CEP72: variants seen among roughly 807,000 people sequenced by gnomAD.
The protein encoded by CEP72 is centrosomal protein of 72 kDa.
A neutral mutation model predicts 65.7 loss-of-function variants in CEP72; 78 were observed. The observed-to-expected ratio is 1.19, with a 90% confidence interval of 0.99 to 1.43. The LOEUF is 1.43. Among genes scored for constraint, CEP72 ranks in the 40% most tolerant of loss-of-function variants. The pLI is 0.00. For synonymous variants in CEP72, 358 were observed against 351.7 expected (o/e 1.02, Z -0.20); for missense variants, 914 against 832.9 (o/e 1.10, Z -1.20).
intron 11 of CEP72, among the ~76,000 whole-genome samples, chr5:652,682 G>A (rs922096097): frequency 7.2e-5 from 11 of 152,316 alleles, no homozygotes; most frequent in Admixed American, 3.3e-4. Flanking sequence ...AAAACCATGC[G>A]TAGCTGGAAT....
chr5:652,615 A>G (rs1283647877), intron 11 of CEP72, among the ~76,000 whole-genome samples: 1 of 152,246 alleles, frequency 6.6e-6, no homozygotes, highest in Non-Finnish European at 1.5e-5. Context: ...CAGTCCCCGT[A>G]TATTTTCTAG....
chr5:653,185 C>T lies in CEP72; in HGVS notation c.*32C>T, dbSNP rs769494361. 3.9e-6 allele frequency: 6 copies of T among 1,553,298 alleles called. No individual in the cohort carries two copies. The African/African-American group carries it at 8.2e-5, about 21-fold the overall frequency. ...CCGAGAAGCTGGGCCACCCCTTAAG[C>T]TTCCTGGTAAAGTTACATTGTCTGC... On this transcript the variant is annotated 3_prime_UTR_variant, in exon 12 of 12. Transcript: ENST00000264935.
chr5:617,735 T>C (rs1258397377), intron 1 of CEP72, among the ~76,000 whole-genome samples: 1 of 152,136 alleles, frequency 6.6e-6, no homozygotes, highest in East Asian at 1.9e-4. Context: ...TGTGGTGGCG[T>C]GTCCCTGTAA....
At chr5:658,646 T>A (rs963820034), downstream of CEP72, among the ~76,000 whole-genome samples, 1 of 4,564 alleles carries the variant, frequency 2.2e-4, no homozygotes, top group Non-Finnish European at 4.6e-4. Flanking sequence ...GCAAAGCTGA[T>A]TTTTTTTTTT....
downstream of CEP72, among the ~76,000 whole-genome samples, chr5:654,114 T>G: frequency 7.4e-6 from 1 of 135,030 alleles, no homozygotes; most frequent in South Asian, 2.2e-4. Context: ...GTGCTAGCTG[T>G]GTGTGTGTGC....
Position 620,097 on chromosome 5 carries a change from G to A in CEP72, c.239G>A (p.Ser80Asn). The A allele has an allele frequency of 6.2e-7, 1 of 1,613,338 alleles. No individual in the cohort carries two copies. Among genetic ancestry groups the A allele is most frequent in the Non-Finnish European group, 8.5e-7 (1 of 1,179,256 alleles). The change falls in exon 3 of 12, where the codon AGT (serine) becomes AAT (asparagine). Residue 80 changes from serine to asparagine, a missense_variant. Physicochemically the swap from Ser to Asn is conservative, Grantham distance 46. Coordinates refer to ENST00000264935, the MANE Select transcript of CEP72 (RefSeq NM_018140.4). Reference sequence around the variant, plus strand: ...ATTCAGTACCTGACTGCATTGGAGAGTCTCAATCTCTACTACAACTGCATC... The same window carrying A: ...ATTCAGTACCTGACTGCATTGGAGAATCTCAATCTCTACTACAACTGCATC... ...EGIQYLTALE[S>N]LNLYYNCISS...
At chr5:625,364 C>G (rs1399511186) in intron 4 of CEP72, among the ~76,000 whole-genome samples, 1 of 152,174 alleles carries the variant, frequency 6.6e-6, no homozygotes, top group Non-Finnish European at 1.5e-5. Flanking sequence ...TGCCTCCACT[C>G]ATTTTAAACT....
chr5:659,997 C>G (rs1739513100), downstream of CEP72: 1 of 152,372 alleles, frequency 6.6e-6, no homozygotes, highest in South Asian at 2.1e-4. Flanking sequence ...ACAGCAAGTC[C>G]AACAGGCAAC....
intron 7 of CEP72, among the ~76,000 whole-genome samples, chr5:638,567 G>A (rs899767814): frequency 2.6e-5 from 4 of 152,004 alleles, no homozygotes; most frequent in Admixed American, 2.6e-4. Context: ...ATGGGGTGGG[G>A]GGGGGTCCCA....
chr5:633,505 G>A lies in CEP72; in HGVS notation c.513-264G>A, dbSNP rs192139599. On this transcript the variant is annotated intron_variant, in intron 4 of 11. Coordinates refer to ENST00000264935, the MANE Select transcript of CEP72 (RefSeq NM_018140.4). ...TCCTGGTGGGGTTCTGTCCAGTGCTGGGATTTGGCCCAGTCCTGGTGGGGT... is the reference window on the plus strand; with the variant it reads ...TCCTGGTGGGGTTCTGTCCAGTGCTAGGATTTGGCCCAGTCCTGGTGGGGT... Among the ~76,000 whole-genome samples the A allele has an allele frequency of 1.2e-4, 18 of 148,094 alleles. 1 individual carries two copies. The highest frequency in any genetic ancestry group is 1.0e-3 in the Admixed American group (14 of 13,882).
intron 11 of CEP72, among the ~76,000 whole-genome samples, chr5:650,677 T>C (rs866997131): frequency 4.1e-5 from 1 of 24,600 alleles, no homozygotes; most frequent in African/African-American, 5.8e-4. Context: ...GACTGTGAGG[T>C]GTGACTGTGA....
chr5:643,507 G>T, intron 9 of CEP72: 2 of 985,416 alleles, frequency 2.0e-6, no homozygotes, highest in Non-Finnish European at 2.4e-6. Context: ...CTGTCGGCGG[G>T]TGGGCTCACT....
chr5:647,770 C>T (rs774087959), intron 10 of CEP72, 35 bp from the exon 11 acceptor site: 1 of 1,384,518 alleles, frequency 7.2e-7, no homozygotes, highest in Non-Finnish European at 1.0e-6. Context: ...GAGTTTTACT[C>T]ATTAATGGTA....
chr5:644,216 G>C, intron 9 of CEP72, 83 bp from the exon 10 acceptor site: 2 of 1,476,302 alleles, frequency 1.4e-6, no homozygotes, highest in South Asian at 2.5e-5. Context: ...ACCCTCTGGG[G>C]ATTCTCAGGT....
intron 9 of CEP72, chr5:644,065 C>A (rs1034905444): frequency 2.4e-5 from 12 of 493,986 alleles, no homozygotes; most frequent in African/African-American, 2.3e-4. Context: ...AGGACTGGGG[C>A]GCTCCTTTCC....
chr5:661,109 G>T (rs2126850880), downstream of CEP72: 1 of 152,466 alleles, frequency 6.6e-6, no homozygotes, highest in South Asian at 2.1e-4. Context: ...ACTCTGGCGT[G>T]AACAGTCTTC....
At chr5:660,634 G>A (rs1167484052), downstream of CEP72, 1 of 152,314 alleles carries the variant, frequency 6.6e-6, no homozygotes, top group African/African-American at 2.4e-5. Flanking sequence ...GCCAGTAGAG[G>A]GACAGGTAAG....
chr5:675,447 T>G, the CEP72 span, among the ~76,000 whole-genome samples: 1 of 27,088 alleles, frequency 3.7e-5, no homozygotes. Context: ...GGGTGCAGTG[T>G]GGCTGGGGTG....
intron 3 of CEP72, among the ~76,000 whole-genome samples, chr5:621,592 C>T (rs1736394699): frequency 6.6e-6 from 1 of 152,226 alleles, no homozygotes; most frequent in African/African-American, 2.4e-5. Flanking sequence ...GTCAGCAAAG[C>T]TGCACACCAG....
Sources: gnomAD v4.1 joint callset for allele counts (sites outside exome capture counted in the v4.1 genomes callset) on GRCh38, gnomAD v4.1.1 for gene constraint, MANE v1.5 for transcripts, NCBI Gene and HGNC (gene_info 2026-07-23, HGNC 2026-07-21) for gene names.